LUZP2: variants seen among roughly 807,000 people sequenced by gnomAD.
The protein encoded by LUZP2 is leucine zipper protein 2.
A neutral mutation model predicts 51.6 loss-of-function variants in LUZP2; 52 were observed. The ratio of observed to expected loss-of-function variants is 1.01; its 90% CI spans 0.81 to 1.27. LUZP2 has a LOEUF of 1.27. LUZP2 is among the 50% of genes most tolerant of loss of function. The probability of loss-of-function intolerance (pLI) is 0.00; values close to 1 mark genes in which losing one functional copy is unlikely to be tolerated. For synonymous variants in LUZP2, 154 were observed against 137.3 expected, an observed-to-expected ratio of 1.12 and a Z score of -0.85; for missense variants, 436 against 395.4, an observed-to-expected ratio of 1.10 and a Z score of -0.87.
chr11:24,516,800 G>A (rs1388998154), intron 1 of LUZP2, among the ~76,000 whole-genome samples: 1 of 152,150 alleles, frequency 6.6e-6, no homozygotes, highest in African/African-American at 2.4e-5. Context: ...AAAAATTACA[G>A]TTTTCTAGGT....
chr11:24,849,328 T>C (rs1468128860), intron 5 of LUZP2, among the ~76,000 whole-genome samples: 3 of 152,102 alleles, frequency 2.0e-5, no homozygotes, highest in African/African-American at 7.2e-5. Flanking sequence ...CCCCTCCCTG[T>C]GTCCACGTAT....
intron 1 of LUZP2, among the ~76,000 whole-genome samples, chr11:24,695,795 G>T (rs1347957520): frequency 1.3e-5 from 2 of 151,956 alleles, no homozygotes; most frequent in Non-Finnish European, 2.9e-5. Flanking sequence ...TACATAATAA[G>T]ATGAGTGATT....
At chr11:24,895,304 G>C (rs1378209105) in intron 5 of LUZP2, among the ~76,000 whole-genome samples, 1 of 151,960 alleles carries the variant, frequency 6.6e-6, no homozygotes, top group East Asian at 1.9e-4. Context: ...AAAACTTAAG[G>C]AATGAGTATA....
intron 5 of LUZP2, among the ~76,000 whole-genome samples, chr11:24,884,803 C>T (rs1436621084): frequency 6.6e-6 from 1 of 152,006 alleles, no homozygotes; most frequent in African/African-American, 2.4e-5. Flanking sequence ...GTTTTACTGT[C>T]AGGTTCCTTC....
intron 9 of LUZP2, among the ~76,000 whole-genome samples, chr11:25,028,492 A>G (rs773695424): frequency 3.9e-5 from 6 of 152,152 alleles, no homozygotes; most frequent in Non-Finnish European, 5.9e-5. Flanking sequence ...TTCATCTGTA[A>G]CAGCATAGAA....
chr11:24,901,095 C>G (rs1853267186), intron 5 of LUZP2, among the ~76,000 whole-genome samples: 2 of 152,084 alleles, frequency 1.3e-5, no homozygotes, highest in African/African-American at 4.8e-5. Context: ...AAAAGAGCAA[C>G]TGCAGGGATT....
chr11:24,915,694 A>AT lies in LUZP2; in HGVS notation c.522+1157dup, dbSNP rs776088964. 1.4e-4 allele frequency among the ~76,000 whole-genome samples: 21 copies of AT among 152,192 alleles called. No individual in the cohort carries two copies. In the South Asian group the frequency reaches 4.3e-3, roughly 32 times the overall value. ...GATAGATAGATAGATGGATAGATAG[A>AT]TAGATAGATTAGATAGGTAGATAGA... On this transcript the variant is annotated intron_variant, in intron 7 of 11. Coordinates refer to ENST00000336930, the MANE Select transcript of LUZP2 (RefSeq NM_001009909.4).
intron 5 of LUZP2, among the ~76,000 whole-genome samples, chr11:24,895,116 C>A (rs1274862072): frequency 2.0e-5 from 3 of 152,092 alleles, no homozygotes; most frequent in African/African-American, 7.2e-5. Flanking sequence ...AACTCCATGA[C>A]AGATTTTCCG....
At chr11:25,064,918 C>G (rs1423397657) in intron 10 of LUZP2, among the ~76,000 whole-genome samples, 1 of 152,006 alleles carries the variant, frequency 6.6e-6, no homozygotes, top group African/African-American at 2.4e-5. Context: ...ATAAAAATCT[C>G]AAAATCTCTA....
At chr11:24,663,197 C>T (rs1326917392) in intron 1 of LUZP2, among the ~76,000 whole-genome samples, 1 of 152,056 alleles carries the variant, frequency 6.6e-6, no homozygotes, top group African/African-American at 2.4e-5. Flanking sequence ...GAGGAGGGCT[C>T]TGGTGGGAGG....
intron 10 of LUZP2, among the ~76,000 whole-genome samples, chr11:25,072,102 C>T (rs986592935): frequency 2.6e-5 from 4 of 151,992 alleles, no homozygotes; most frequent in African/African-American, 9.7e-5. Flanking sequence ...AGAACTTCCC[C>T]TGATAGATAA....
chr11:24,760,828 A>G (rs888847858), intron 4 of LUZP2, among the ~76,000 whole-genome samples: 1 of 152,182 alleles, frequency 6.6e-6, no homozygotes, highest in Non-Finnish European at 1.5e-5. Context: ...AGTCCTCTAG[A>G]TAAATGACTC....
chr11:24,711,436 C>A lies in LUZP2; in HGVS notation c.63-17733C>A, dbSNP rs549616441. 6.7e-5 allele frequency among the ~76,000 whole-genome samples: 10 copies of A among 148,934 alleles called. No homozygotes were observed. The East Asian group carries it at 1.4e-3, about 20-fold the overall frequency. ...CTGCACTCCAGCCTGGGCGACAGAG[C>A]GAGACTCCATCTCAAAATAAATAAA... On this transcript the variant is annotated intron_variant, in intron 1 of 11. Coordinates refer to ENST00000336930, the MANE Select transcript of LUZP2 (RefSeq NM_001009909.4).
chr11:24,733,742 TA>T (rs398097436), intron 3 of LUZP2, among the ~76,000 whole-genome samples: 3 of 151,188 alleles, frequency 2.0e-5, no homozygotes, highest in South Asian at 4.2e-4. Context: ...CTGTATTTTT[TA>T]AAAAAAAATT....
At chr11:24,826,190 A>AAAAAAAAAAATATAT (rs1215786412) in intron 5 of LUZP2, among the ~76,000 whole-genome samples, 2 of 67,550 alleles carry the variant, frequency 3.0e-5, no homozygotes, top group African/African-American at 5.9e-5. Context: ...AAAAAAAAAA[A>AAAAAAAAAAATATAT]ATATATATAT....
At chr11:24,999,489 GAGAA>G (rs144919759) in intron 9 of LUZP2, among the ~76,000 whole-genome samples, 6,479 of 151,346 alleles carry the variant, frequency 0.043, 317 homozygotes, top group African/African-American at 0.12. Flanking sequence ...AAGAAGAAGA[GAGAA>G]AGAGAAGGAG....
At chr11:24,911,789 A>G (rs1328218913) in intron 6 of LUZP2, among the ~76,000 whole-genome samples, 1 of 152,186 alleles carries the variant, frequency 6.6e-6, no homozygotes, top group Non-Finnish European at 1.5e-5. Flanking sequence ...CTGTGTGAGG[A>G]CAGACAGTGA....
chr11:24,680,386 C>T (rs904999735), intron 1 of LUZP2, among the ~76,000 whole-genome samples: 2 of 152,180 alleles, frequency 1.3e-5, no homozygotes, highest in African/African-American at 4.8e-5. Flanking sequence ...CTCCACAAAG[C>T]ACGATTAACA....
At chr11:24,893,495 G>A (rs941307173) in intron 5 of LUZP2, among the ~76,000 whole-genome samples, 1 of 151,694 alleles carries the variant, frequency 6.6e-6, no homozygotes, top group African/African-American at 2.4e-5. Flanking sequence ...AAACTCTTTA[G>A]GGATATTAAA....
Sources: allele counts gnomAD v4.1 joint callset (sites outside exome capture counted in the v4.1 genomes callset), GRCh38; gene constraint gnomAD v4.1.1; transcripts MANE v1.5; gene names NCBI Gene and HGNC (gene_info 2026-07-23, HGNC 2026-07-21).